Variants in PDE6B observed in about 807,000 individuals in gnomAD.
PDE6B encodes the protein phosphodiesterase 6B, also known as rod cGMP-specific 3',5'-cyclic phosphodiesterase subunit beta.
Under a neutral mutation model 109.0 loss-of-function variants are expected in PDE6B, and 106 were observed. The observed-to-expected ratio is 0.97, with a 90% CI of 0.83 to 1.14. PDE6B has a LOEUF of 1.14. PDE6B is among the 50% of genes most tolerant of loss of function. The pLI, the probability that PDE6B is intolerant of heterozygous loss-of-function variation, is 0.00. For synonymous variants in PDE6B, 490 were observed against 471.3 expected, an observed-to-expected ratio of 1.04 and a Z score of -0.51; for missense variants, 1,193 against 1,155.6, an observed-to-expected ratio of 1.03 and a Z score of -0.47.
At chr4:657,267 C>A in intron 9 of PDE6B, 84 bp from the exon 10 acceptor site, 1 of 1,524,504 alleles carries the variant, frequency 6.6e-7, no homozygotes, top group East Asian at 2.3e-5. Flanking sequence ...ACCTGCCCGC[C>A]GAGCCACGGG....
At chr4:643,796 T>G (rs1735059278) in intron 3 of PDE6B, among the ~76,000 whole-genome samples, 1 of 150,304 alleles carries the variant, frequency 6.7e-6, no homozygotes, top group African/African-American at 2.5e-5. Flanking sequence ...AGTGTTGATT[T>G]AGATCTTTCT....
chr4:659,177 A>T (rs1020613001), intron 11 of PDE6B, among the ~76,000 whole-genome samples, 160 bp downstream of exon 11: 2 of 152,166 alleles, frequency 1.3e-5, no homozygotes, highest in East Asian at 1.9e-4. Context: ...ACCTTAGTGT[A>T]CGTGTGTGTA....
chr4:629,470 G>A (rs1465073739), intron 1 of PDE6B, among the ~76,000 whole-genome samples: 2 of 152,162 alleles, frequency 1.3e-5, no homozygotes, highest in Non-Finnish European at 1.5e-5. Flanking sequence ...GAACAGCCAC[G>A]GACCCCGCAG....
intron 20 of PDE6B, among the ~76,000 whole-genome samples, chr4:667,553 C>T (rs1047235336): frequency 8.5e-5 from 13 of 152,192 alleles, no homozygotes; most frequent in South Asian, 4.1e-4. Context: ...CTGTGCCCAC[C>T]ACCCCTCTGC....
At chr4:645,364 C>T (rs1238093185) in intron 3 of PDE6B, among the ~76,000 whole-genome samples, 3 of 145,884 alleles carry the variant, frequency 2.1e-5, no homozygotes, top group South Asian at 2.2e-4. Flanking sequence ...GGCGCGATCT[C>T]GGCTCACTGC....
rs181876393 is a variant in PDE6B at position 636,660 on chromosome 4, C to T, written c.711+691C>T. Among the ~76,000 whole-genome samples the T allele has an allele frequency of 1.5e-3, 229 of 152,244 alleles. No homozygotes were observed. The highest frequency in any genetic ancestry group is 3.0e-3 in the Admixed American group (46 of 15,304). ...CCACAAAGGAGAACTGTGAAGACGG[C>T]GGTCACCTCCTGCCTTCTCCGTGTC... On this transcript the variant is annotated intron_variant, in intron 3 of 21. Coordinates refer to ENST00000496514, the MANE Select transcript of PDE6B (RefSeq NM_000283.4). The surrounding 1 kb of genome is among the most constrained non-coding windows in gnomAD (Gnocchi z 4.5).
chr4:663,246 C>T lies in PDE6B; in HGVS notation c.1920+59C>T. Reference sequence around the variant, plus strand: ...CGCTGGGGACGCAGCGTCCGCAGGACGGCAGGGCCGTATCCTGCGGAGCAG... The same window carrying T: ...CGCTGGGGACGCAGCGTCCGCAGGATGGCAGGGCCGTATCCTGCGGAGCAG... On this transcript the variant is annotated intron_variant, in intron 15 of 21. Coordinates refer to ENST00000496514, the MANE Select transcript of PDE6B (RefSeq NM_000283.4). This position sits in a 1 kb window ranked among gnomAD's most constrained non-coding sequence, Gnocchi z 4.0. 2.1e-6 allele frequency: 2 copies of T among 952,146 alleles called. No homozygotes were observed. The highest frequency in any genetic ancestry group is 3.5e-6 in the Non-Finnish European group (2 of 575,884). 59.0% of individuals were successfully genotyped at this position (952,146 alleles called of 1,614,324 possible).
At chr4:652,584 GA>G in intron 3 of PDE6B, 1 of 642,102 alleles carries the variant, frequency 1.6e-6, no homozygotes, top group Non-Finnish European at 1.9e-6. Context: ...GAGGATTTAT[GA>G]TGTGGGAAAA....
intron 3 of PDE6B, among the ~76,000 whole-genome samples, chr4:641,457 C>T (rs1033356450): frequency 1.3e-5 from 2 of 152,318 alleles, no homozygotes; most frequent in Non-Finnish European, 1.5e-5. Context: ...CCCTGAGTGC[C>T]TGAGGCCTCA....
rs1736231039 is a variant in PDE6B at position 656,289 on chromosome 4, T to C, written c.1104T>C (p.Phe368=). The change falls in exon 8 of 22, where the codon TTT becomes TTC. Residue 368 remains phenylalanine (F), a synonymous_variant. Transcript: ENST00000496514. ...CTTCCGCTGACGAAATGTTCAAATT[T>C]CAGGTATCTGTCTGTGCCTTGGTAG... ...MNASADEMFK[F]QEGALDDSGW... 2.6e-6 allele frequency: 4 copies of C among 1,562,604 alleles called. No homozygotes were observed. The highest frequency in any genetic ancestry group is 3.5e-6 in the Non-Finnish European group (4 of 1,133,050).
intron 1 of PDE6B, among the ~76,000 whole-genome samples, chr4:632,070 A>G (rs7438471): frequency 0.19 from 26,875 of 145,260 alleles, 2,948 homozygotes; most frequent in African/African-American, 0.31. Flanking sequence ...GATCTATGTG[A>G]CACCATCTGC....
chr4:638,120 G>T (rs1734782226), intron 3 of PDE6B, among the ~76,000 whole-genome samples: 2 of 152,152 alleles, frequency 1.3e-5, no homozygotes, highest in African/African-American at 4.8e-5. Context: ...CCAGCGTTTG[G>T]TGGAACTGTA....
At chr4:647,615 C>G (rs530205752) in intron 3 of PDE6B, among the ~76,000 whole-genome samples, 1 of 152,128 alleles carries the variant, frequency 6.6e-6, no homozygotes, top group Non-Finnish European at 1.5e-5. Context: ...GGGCACGTCT[C>G]GTAGGGGCCC....
rs373926401 is a variant in PDE6B, at chr4:636,019, G to A, written c.711+50G>A. On this transcript the variant is annotated intron_variant, in intron 3 of 21. Transcript: ENST00000496514. The surrounding 1 kb of genome is among the most constrained non-coding windows in gnomAD (Gnocchi z 4.5). Reference sequence around the variant, plus strand: ...TGCCCACGAGGGCCAGGGTCCCTCCGCCCATCTCGCTGCCTGCACAGAGGC... The same window carrying A: ...TGCCCACGAGGGCCAGGGTCCCTCCACCCATCTCGCTGCCTGCACAGAGGC... The A allele has an allele frequency of 4.9e-5, 52 of 1,052,426 alleles. 2 individuals carry two copies. The highest frequency in any genetic ancestry group is 3.7e-4 in the South Asian group (30 of 80,070). The allele number at this position is 1,052,426 out of a possible 1,614,324, so 65.2% of individuals were successfully genotyped here. A position where few individuals can be genotyped will look rare whatever the true frequency, so the allele number is the denominator to read the frequency against.
At chr4:630,262 C>T (rs1734320025) in intron 1 of PDE6B, among the ~76,000 whole-genome samples, 1 of 152,100 alleles carries the variant, frequency 6.6e-6, no homozygotes, top group Admixed American at 6.5e-5. Context: ...GCAGGGCTGT[C>T]ATCTCAGGAA....
At chr4:627,870 GAT>G (rs1734192733) in intron 1 of PDE6B, among the ~76,000 whole-genome samples, 1 of 151,916 alleles carries the variant, frequency 6.6e-6, no homozygotes, top group African/African-American at 2.4e-5. Context: ...CCACCCGGCT[GAT>G]GGTGTCTCTT....
rs1044350972 is a variant in PDE6B at position 633,741 on chromosome 4, C to G, written c.469-936C>G. On this transcript the variant is annotated intron_variant, in intron 1 of 21. Coordinates refer to ENST00000496514, the MANE Select transcript of PDE6B (RefSeq NM_000283.4). This position sits in a 1 kb window ranked among gnomAD's most constrained non-coding sequence, Gnocchi z 4.5. The stretch of plus-strand genomic sequence containing the variant: ...ACCCCAGCAGGGCTGACTCCGGAGC[C>G]GTCCACCTGGGTCACTGCCCCAGGG... 1.3e-5 allele frequency among the ~76,000 whole-genome samples: 2 copies of G among 152,200 alleles called. No individual in the cohort carries two copies. Among genetic ancestry groups the G allele is most frequent in the Admixed American group, 6.5e-5 (1 of 15,286 alleles).
chr4:661,402 C>T (rs565650530), intron 12 of PDE6B: 1 of 152,572 alleles, frequency 6.6e-6, no homozygotes, highest in African/African-American at 2.4e-5. Context: ...GGCGGGATGG[C>T]TTTCCCAGCC....
At chr4:654,921 G>C in intron 6 of PDE6B, 33 bp downstream of exon 6, 1 of 1,234,714 alleles carries the variant, frequency 8.1e-7, no homozygotes, top group Non-Finnish European at 1.2e-6. Context: ...AGCGTCCCCG[G>C]GGGAGGGACC....
Sources: gnomAD v4.1 joint callset for allele counts (sites outside exome capture counted in the v4.1 genomes callset) on GRCh38, gnomAD v4.1.1 for gene constraint, Gnocchi (gnomAD v3.1) non-coding constraint, MANE v1.5 for transcripts, NCBI Gene and HGNC (gene_info 2026-07-23, HGNC 2026-07-21) for gene names.